The following FBXW11 variants were observed in gnomAD, a reference collection of about 807,000 sequenced individuals.
FBXW11 encodes the protein F-box/WD repeat-containing protein 11.
FBXW11 carries 19 observed loss-of-function variants against 77.6 expected under a neutral mutation model. The observed-to-expected ratio is 0.24, with a 90% CI of 0.17 to 0.36. FBXW11 has a LOEUF of 0.36. Among genes scored for constraint, FBXW11 ranks in the 10% least tolerant of loss-of-function variants. The probability of loss-of-function intolerance (pLI) is 1.00; values close to 1 mark genes in which losing one functional copy is unlikely to be tolerated. For synonymous variants in FBXW11, 235 were observed against 249.4 expected (o/e 0.94, Z 0.54); for missense variants, 334 against 704.2 (o/e 0.47, Z 5.95).
At chr5:172,006,396 T>A in intron 1 of FBXW11, 62 bp downstream of exon 1, 2 of 1,429,606 alleles carry the variant, frequency 1.4e-6, no homozygotes, top group Non-Finnish European at 1.9e-6. Flanking sequence ...GACGTTGAGG[T>A]GGGCAGGCCC....
At chr5:171,909,164 G>A (rs1455169803) in intron 4 of FBXW11, among the ~76,000 whole-genome samples, 2 of 151,984 alleles carry the variant, frequency 1.3e-5, no homozygotes, top group African/African-American at 4.8e-5. Flanking sequence ...TATTCAAAGG[G>A]GAGTTCAGCA....
At chr5:171,935,036 C>A (rs1762401573) in intron 2 of FBXW11, among the ~76,000 whole-genome samples, 1 of 152,158 alleles carries the variant, frequency 6.6e-6, no homozygotes, top group Non-Finnish European at 1.5e-5. Flanking sequence ...TCACTGCAAG[C>A]TCCGCCTCCT....
intron 7 of FBXW11, among the ~76,000 whole-genome samples, chr5:171,878,652 G>A (rs1758298525): frequency 6.7e-6 from 1 of 148,512 alleles, no homozygotes; most frequent in African/African-American, 2.5e-5. Flanking sequence ...GCCAGGTGTG[G>A]TGGTGTGTGT....
At chr5:171,957,797 G>A in intron 1 of FBXW11, 99 bp from the exon 2 acceptor site, 1 of 1,004,242 alleles carries the variant, frequency 1.0e-6, no homozygotes, top group Non-Finnish European at 1.6e-6. Flanking sequence ...GGGGCAGGGG[G>A]TGCACCCTTG....
intron 2 of FBXW11, among the ~76,000 whole-genome samples, chr5:171,921,300 A>G (rs1284436167): frequency 6.6e-6 from 1 of 152,212 alleles, no homozygotes; most frequent in Admixed American, 6.5e-5. Context: ...ATATATTTCA[A>G]TTGGAAAACT....
intron 1 of FBXW11, among the ~76,000 whole-genome samples, chr5:171,985,767 T>C (rs922707960): frequency 1.3e-5 from 2 of 151,986 alleles, no homozygotes; most frequent in Non-Finnish European, 2.9e-5. Flanking sequence ...AAGAAGACCC[T>C]GTACCGAAAA....
At chr5:171,867,546 T>C (rs1757480288) in intron 13 of FBXW11, among the ~76,000 whole-genome samples, 1 of 151,970 alleles carries the variant, frequency 6.6e-6, no homozygotes, top group South Asian at 2.1e-4. Context: ...ATATAGTTTC[T>C]TGACCTCTAG....
Position 171,998,336 on chromosome 5 carries a change from C to CTTT in FBXW11, c.45+8119_45+8121dup, listed in dbSNP as rs778327855. Among the ~76,000 whole-genome samples, 31 of 114,824 alleles carry CTTT rather than the reference C, an allele frequency of 2.7e-4. 1 individual carries two copies. The highest frequency in any genetic ancestry group is 1.1e-3 in the African/African-American group (27 of 24,028). 75.3% of individuals were successfully genotyped at this position (114,824 alleles called of 152,430 possible). On this transcript the variant is annotated intron_variant, in intron 1 of 13. Transcript: ENST00000517395. ...ACAGCCCATGATATTTTTTTCTTGT[C>CTTT]TTTTTTTTTTTTTTTTTAAGTAGAG... is the stretch of plus-strand genomic sequence containing the variant.
intron 1 of FBXW11, among the ~76,000 whole-genome samples, chr5:171,960,794 CA>C (rs1383022293): frequency 6.6e-6 from 1 of 152,098 alleles, no homozygotes; most frequent in Non-Finnish European, 1.5e-5. Context: ...GGAAAACAAT[CA>C]ACATAAAGAA....
chr5:171,960,554 C>A (rs1488082270), intron 1 of FBXW11, among the ~76,000 whole-genome samples: 1 of 152,206 alleles, frequency 6.6e-6, no homozygotes, highest in Non-Finnish European at 1.5e-5. Context: ...TGATTAGATT[C>A]TGCTAATAAG....
At chr5:171,968,182 C>T (rs1041465612) in intron 1 of FBXW11, among the ~76,000 whole-genome samples, 8 of 152,008 alleles carry the variant, frequency 5.3e-5, no homozygotes, top group African/African-American at 1.2e-4. Flanking sequence ...GGTTGCCGGG[C>T]GCAGTGGCTC....
intron 2 of FBXW11, among the ~76,000 whole-genome samples, chr5:171,931,622 T>G (rs1346945853): frequency 6.6e-6 from 1 of 152,186 alleles, no homozygotes; most frequent in East Asian, 1.9e-4. Flanking sequence ...GTTGATTACT[T>G]TCTTAGACAT....
intron 13 of FBXW11, chr5:171,867,855 T>C (rs1385938565): frequency 6.6e-6 from 1 of 152,244 alleles, no homozygotes; most frequent in Non-Finnish European, 1.5e-5. Context: ...TGTAAACATT[T>C]ATTCAATCTA....
intron 2 of FBXW11, among the ~76,000 whole-genome samples, chr5:171,949,036 T>C (rs996594506): frequency 6.6e-6 from 1 of 152,228 alleles, no homozygotes; most frequent in Non-Finnish European, 1.5e-5. Context: ...CACCAAGTCA[T>C]CCTCACTGTT....
At chr5:171,947,860 T>C (rs1020102782) in intron 2 of FBXW11, among the ~76,000 whole-genome samples, 2 of 151,994 alleles carry the variant, frequency 1.3e-5, no homozygotes, top group Admixed American at 1.3e-4. Flanking sequence ...GACGCTATAG[T>C]GAGCCATGTT....
intron 1 of FBXW11, among the ~76,000 whole-genome samples, chr5:171,974,299 T>C (rs1254266557): frequency 6.6e-6 from 1 of 151,940 alleles, no homozygotes; most frequent in African/African-American, 2.4e-5. Context: ...CCGGGCGTGG[T>C]GGCACATGCC....
At chr5:171,929,565 G>A (rs1581215838) in intron 2 of FBXW11, among the ~76,000 whole-genome samples, 1 of 152,188 alleles carries the variant, frequency 6.6e-6, no homozygotes, top group East Asian at 1.9e-4. Context: ...TAAAAGTGAT[G>A]GGATGGCCGG....
chr5:171,945,289 T>C lies in FBXW11; in HGVS notation c.147+12308A>G, dbSNP rs143508158. Among the ~76,000 whole-genome samples, 812 of 152,294 alleles carry C rather than the reference T, an allele frequency of 5.3e-3. 5 individuals carry two copies. The highest frequency in any genetic ancestry group is 0.016 in the African/African-American group (656 of 41,564). The stretch of plus-strand genomic sequence containing the variant: ...ATAAATAGCATTCCTATTGCGTAAT[T>C]GACCTGGGATTTAGAAAAGTCTGTT... On this transcript the variant is annotated intron_variant, in intron 2 of 13. Transcript: ENST00000517395.
rs757530066 is a variant in FBXW11 at position 171,914,416 on chromosome 5, A to C, written c.148-11T>G. The C allele has an allele frequency of 6.4e-7, 1 of 1,566,208 alleles. No homozygotes were observed. The highest frequency in any genetic ancestry group is 2.2e-5 in the Admixed American group (1 of 46,254). On this transcript the variant is annotated splice_polypyrimidine_tract_variant and intron_variant, in intron 2 of 13. Transcript: ENST00000517395. Reference sequence around the variant, plus strand: ...CATAACTGAAGTGTTCTAGGGGGGGAAAAACAGGTTATTTGAATTATACCA... The same window carrying C: ...CATAACTGAAGTGTTCTAGGGGGGGCAAAACAGGTTATTTGAATTATACCA...
Sources: gnomAD v4.1 joint callset for allele counts (sites outside exome capture counted in the v4.1 genomes callset) on GRCh38, gnomAD v4.1.1 for gene constraint, MANE v1.5 for transcripts, NCBI Gene and HGNC (gene_info 2026-07-23, HGNC 2026-07-21) for gene names.